The following EPHA6 variants were observed in gnomAD, a reference collection of about 807,000 sequenced individuals.
EPHA6 encodes the protein ephrin type-A receptor 6.
Under a neutral mutation model 112.0 loss-of-function variants are expected in EPHA6, and 50 were observed. The observed-to-expected ratio is 0.45, with a 90% CI of 0.36 to 0.56. The LOEUF is 0.56. Ranked by LOEUF, EPHA6 falls within the 20% of genes least tolerant of loss-of-function variation. The pLI is 0.00. For missense variants in EPHA6, 1,280 were observed against 1,417.4 expected (o/e 0.90, Z 1.56); for synonymous variants, 529 against 490.7 (o/e 1.08, Z -1.03).
At chr3:97,082,737 C>T (rs573057239) in intron 3 of EPHA6, among the ~76,000 whole-genome samples, 14 of 151,954 alleles carry the variant, frequency 9.2e-5, no homozygotes, top group South Asian at 4.1e-4. Flanking sequence ...AAAATACCCA[C>T]GAGTATTTAG....
At chr3:97,500,410 G>T (rs2092088574) in intron 10 of EPHA6, among the ~76,000 whole-genome samples, 2 of 152,148 alleles carry the variant, frequency 1.3e-5, no homozygotes, top group Admixed American at 1.3e-4. Context: ...GGAAGGTGAA[G>T]GGGGAGCAGG....
At chr3:97,195,952 G>T (rs891129989) in intron 3 of EPHA6, among the ~76,000 whole-genome samples, 2 of 151,760 alleles carry the variant, frequency 1.3e-5, no homozygotes, top group African/African-American at 4.8e-5. Context: ...ATTATTAAAT[G>T]TCCCAAGTTA....
chr3:97,474,236 C>T (rs1388635699), intron 7 of EPHA6, among the ~76,000 whole-genome samples: 3 of 151,868 alleles, frequency 2.0e-5, no homozygotes, highest in African/African-American at 7.2e-5. Context: ...ATGTTAGAGA[C>T]TTCTGCAGTT....
intron 6 of EPHA6, among the ~76,000 whole-genome samples, chr3:97,409,106 T>A (rs911831947): frequency 3.3e-5 from 5 of 152,038 alleles, no homozygotes; most frequent in Non-Finnish European, 5.9e-5. Flanking sequence ...CTCTAACAAG[T>A]TTTTTAAAGG....
At chr3:97,696,412 T>C (rs2033042394) in intron 14 of EPHA6, among the ~76,000 whole-genome samples, 1 of 152,214 alleles carries the variant, frequency 6.6e-6, no homozygotes, top group African/African-American at 2.4e-5. Flanking sequence ...ATTATGCAAG[T>C]TTTTCCTCAA....
At chr3:96,903,932 G>A (rs1342450870) in intron 2 of EPHA6, among the ~76,000 whole-genome samples, 2 of 152,100 alleles carry the variant, frequency 1.3e-5, no homozygotes, top group Non-Finnish European at 2.9e-5. Context: ...AGTTAGAATG[G>A]CAATCATTAA....
intron 3 of EPHA6, among the ~76,000 whole-genome samples, chr3:97,066,932 C>T (rs2046197660): frequency 6.6e-6 from 1 of 151,906 alleles, no homozygotes; most frequent in African/African-American, 2.4e-5. Flanking sequence ...ACAGGGGAGA[C>T]AGAATATAGA....
intron 3 of EPHA6, among the ~76,000 whole-genome samples, chr3:97,074,201 T>C (rs1430382592): frequency 6.6e-6 from 1 of 152,022 alleles, no homozygotes; most frequent in Non-Finnish European, 1.5e-5. Flanking sequence ...TTTTTTAGTC[T>C]ATTGCCAATA....
intron 1 of EPHA6, among the ~76,000 whole-genome samples, chr3:96,831,137 A>G (rs1163431527): frequency 7.2e-5 from 11 of 152,086 alleles, no homozygotes; most frequent in Non-Finnish European, 1.2e-4. Context: ...TTTAAGTAAT[A>G]TTGTCATTTT....
chr3:97,132,908 GA>G (rs2075670401), intron 3 of EPHA6, among the ~76,000 whole-genome samples: 1 of 151,998 alleles, frequency 6.6e-6, no homozygotes, highest in African/African-American at 2.4e-5. Context: ...ATAAAATAGA[GA>G]AAACAGTATT....
intron 3 of EPHA6, among the ~76,000 whole-genome samples, chr3:97,056,189 G>T (rs1458560258): frequency 6.6e-6 from 1 of 152,100 alleles, no homozygotes; most frequent in Non-Finnish European, 1.5e-5. Flanking sequence ...AGACAATACA[G>T]CATCGCAAAC....
At chr3:97,119,830 G>A (rs1441708324) in intron 3 of EPHA6, among the ~76,000 whole-genome samples, 3 of 151,948 alleles carry the variant, frequency 2.0e-5, no homozygotes, top group African/African-American at 7.2e-5. Flanking sequence ...GCTTGTTTTT[G>A]TACTCTTCCT....
intron 6 of EPHA6, among the ~76,000 whole-genome samples, chr3:97,428,766 T>C (rs1220793215): frequency 2.0e-5 from 3 of 152,224 alleles, no homozygotes; most frequent in African/African-American, 7.2e-5. Flanking sequence ...AAGCCCTCAT[T>C]CTGCCTGAGA....
intron 3 of EPHA6, among the ~76,000 whole-genome samples, chr3:96,994,707 G>GTA (rs1340605702): frequency 0.013 from 1,210 of 92,796 alleles, 14 homozygotes; most frequent in Middle Eastern, 0.034. Flanking sequence ...GTGTGTGTGT[G>GTA]TGTATATATA....
chr3:97,599,486 G>A (rs1229970249), intron 12 of EPHA6, among the ~76,000 whole-genome samples: 33 of 143,544 alleles, frequency 2.3e-4, no homozygotes, highest in Non-Finnish European at 3.7e-4. Flanking sequence ...TCTACATATG[G>A]CTAGCCAGTT....
intron 1 of EPHA6, among the ~76,000 whole-genome samples, chr3:96,862,804 T>C (rs1292857202): frequency 1.3e-5 from 2 of 152,002 alleles, no homozygotes; most frequent in Non-Finnish European, 2.9e-5. Flanking sequence ...TAGGTAATCA[T>C]AACTTTCAGA....
At chr3:97,308,408 A>G (rs771531227) in intron 5 of EPHA6, among the ~76,000 whole-genome samples, 2 of 151,770 alleles carry the variant, frequency 1.3e-5, no homozygotes, top group African/African-American at 2.4e-5. Context: ...CTATCTCTGT[A>G]GACAAATCCT....
intron 5 of EPHA6, among the ~76,000 whole-genome samples, chr3:97,395,654 A>G (rs2086655783): frequency 2.0e-5 from 3 of 151,656 alleles, no homozygotes; most frequent in Admixed American, 1.3e-4. Context: ...TTATTTTAGT[A>G]TTATTCTTTA....
chr3:96,995,218 A>G (rs1017156635), intron 3 of EPHA6, among the ~76,000 whole-genome samples: 14 of 152,084 alleles, frequency 9.2e-5, no homozygotes, highest in Admixed American at 5.3e-4. Flanking sequence ...TCATGTTATC[A>G]GAGATGACTG....
Sources: allele counts gnomAD v4.1 joint callset (sites outside exome capture counted in the v4.1 genomes callset), GRCh38; gene constraint gnomAD v4.1.1; transcripts MANE v1.5; gene names NCBI Gene and HGNC (gene_info 2026-07-23, HGNC 2026-07-21).